NLGN1: variants seen among roughly 807,000 people sequenced by gnomAD.
NLGN1 encodes neuroligin 1, also known as neuroligin-1.
In NLGN1, 12 loss-of-function variants were observed where a neutral mutation model predicts 65.5. The ratio of observed to expected loss-of-function variants is 0.18; its 90% CI spans 0.12 to 0.30. The LOEUF (loss-of-function observed/expected upper bound fraction) is 0.30. NLGN1 is among the 10% of genes least tolerant of loss of function. The pLI is 1.00. For missense variants in NLGN1, 750 were observed against 1,007.1 expected, an observed-to-expected ratio of 0.74 and a Z score of 3.46; for synonymous variants, 350 against 359.5, an observed-to-expected ratio of 0.97 and a Z score of 0.30.
intron 3 of NLGN1, among the ~76,000 whole-genome samples, chr3:173,662,799 T>C (rs1259744818): frequency 6.6e-6 from 1 of 152,026 alleles, no homozygotes; most frequent in African/African-American, 2.4e-5. Flanking sequence ...AGACTAGGAA[T>C]GCTGTTTTAA....
intron 4 of NLGN1, among the ~76,000 whole-genome samples, chr3:174,153,570 C>T (rs1724808167): frequency 6.6e-6 from 1 of 152,060 alleles, no homozygotes; most frequent in Non-Finnish European, 1.5e-5. Context: ...GATTTTAAAA[C>T]AGGAAACATC....
At chr3:173,990,111 C>A (rs540596738) in intron 4 of NLGN1, among the ~76,000 whole-genome samples, 3 of 152,278 alleles carry the variant, frequency 2.0e-5, no homozygotes, top group Admixed American at 1.3e-4. Flanking sequence ...AATAGACAAT[C>A]AACAGATATT....
At chr3:174,074,027 A>G (rs1388336647) in intron 4 of NLGN1, among the ~76,000 whole-genome samples, 23 of 152,204 alleles carry the variant, frequency 1.5e-4, no homozygotes, top group Admixed American at 7.9e-4. Context: ...ACACTAGCAG[A>G]AAGTAGTCTG....
chr3:174,031,660 A>G (rs1427429435), intron 4 of NLGN1, among the ~76,000 whole-genome samples: 4 of 152,306 alleles, frequency 2.6e-5, no homozygotes, highest in East Asian at 3.9e-4. Context: ...AAAAATTTTA[A>G]TAGAAGGTTT....
chr3:174,246,379 G>T (rs893684386), intron 4 of NLGN1, among the ~76,000 whole-genome samples: 1 of 152,078 alleles, frequency 6.6e-6, no homozygotes. Context: ...AATAGACAAG[G>T]CCATTATTCT....
At chr3:174,265,783 GTATATA>G (rs1168048305) in intron 4 of NLGN1, among the ~76,000 whole-genome samples, 2 of 128,518 alleles carry the variant, frequency 1.6e-5, no homozygotes, top group East Asian at 4.2e-4. Context: ...ATATATATAT[GTATATA>G]TATATATATA....
rs148848149 is a variant in NLGN1, at chr3:174,213,797, G to A, written c.647-61518G>A. Among the ~76,000 whole-genome samples, 1,273 of 152,124 alleles carry A rather than the reference G, an allele frequency of 8.4e-3. 9 individuals carry two copies. Among genetic ancestry groups the A allele is most frequent in the Non-Finnish European group, 0.014 (946 of 67,950 alleles). Reference sequence around the variant, plus strand: ...GATTAAAAGTAAAATTTAAATTACTGAATTATTTTAACGTTATAATTTACT... The same window carrying A: ...GATTAAAAGTAAAATTTAAATTACTAAATTATTTTAACGTTATAATTTACT... On this transcript the variant is annotated intron_variant, in intron 4 of 6. Coordinates refer to ENST00000457714, the Ensembl canonical transcript of NLGN1.
At chr3:173,431,199 A>C (rs952984438) in intron 1 of NLGN1, among the ~76,000 whole-genome samples, 3 of 152,118 alleles carry the variant, frequency 2.0e-5, no homozygotes, top group Non-Finnish European at 4.4e-5. Flanking sequence ...TACTGAAAGC[A>C]CTTTCTTGAC....
intron 4 of NLGN1, among the ~76,000 whole-genome samples, chr3:174,088,757 AAAATAAATAAATAAATAAATAAAT>A (rs71162375): frequency 2.1e-5 from 3 of 141,238 alleles, no homozygotes; most frequent in African/African-American, 5.3e-5. Flanking sequence ...CATCTCAATA[AAAATAAATAAATAAATAAATAAAT>A]AAATAAATAA....
intron 1 of NLGN1, among the ~76,000 whole-genome samples, chr3:173,407,797 A>T (rs143339459): frequency 2.5e-3 from 385 of 152,366 alleles, no homozygotes; most frequent in African/African-American, 8.8e-3. Flanking sequence ...AAAAATGCTT[A>T]TTGAAATCAT....
At chr3:174,097,114 A>G (rs1175943432) in intron 4 of NLGN1, among the ~76,000 whole-genome samples, 2 of 152,168 alleles carry the variant, frequency 1.3e-5, no homozygotes, top group Admixed American at 1.3e-4. Context: ...GCGCCACTGT[A>G]GAAAGATGCT....
intron 4 of NLGN1, among the ~76,000 whole-genome samples, chr3:174,124,899 T>C (rs2152656213): frequency 6.6e-6 from 1 of 152,058 alleles, no homozygotes. Flanking sequence ...ACACTTGAAA[T>C]TTGACTGTGA....
At chr3:173,621,761 G>A (rs1342896815) in intron 3 of NLGN1, among the ~76,000 whole-genome samples, 1 of 152,098 alleles carries the variant, frequency 6.6e-6, no homozygotes, top group Non-Finnish European at 1.5e-5. Context: ...CCTTGGCAAT[G>A]TTGACAACAG....
At chr3:173,429,796 C>A (rs1716864320) in intron 1 of NLGN1, among the ~76,000 whole-genome samples, 1 of 152,088 alleles carries the variant, frequency 6.6e-6, no homozygotes, top group East Asian at 1.9e-4. Flanking sequence ...CTGGGGGAAT[C>A]CTAAAGTGTA....
chr3:173,998,293 C>T (rs939401204), intron 4 of NLGN1, among the ~76,000 whole-genome samples: 1 of 152,102 alleles, frequency 6.6e-6, no homozygotes, highest in African/African-American at 2.4e-5. Context: ...TCAGAACATC[C>T]TACTTCAAGG....
chr3:173,950,953 G>A lies in NLGN1; in HGVS notation c.646+143121G>A, dbSNP rs147149752. Among the ~76,000 whole-genome samples, 487 of 151,622 alleles carry A rather than the reference G, an allele frequency of 3.2e-3. 2 individuals carry two copies. Among genetic ancestry groups the A allele is most frequent in the African/African-American group, 0.011 (457 of 41,306 alleles). On this transcript the variant is annotated intron_variant, in intron 4 of 6. Coordinates refer to ENST00000457714, the Ensembl canonical transcript of NLGN1. ...GTGATCTTGGCTCACTACAACCTCC[G>A]TCTCCCGGGTTCAAGCGTTTCTCCT...
chr3:173,866,827 G>T (rs1221424770), intron 4 of NLGN1, among the ~76,000 whole-genome samples: 2 of 152,074 alleles, frequency 1.3e-5, no homozygotes, highest in Non-Finnish European at 2.9e-5. Flanking sequence ...GCACCCTTTT[G>T]GGAATGGTCA....
chr3:173,681,252 C>T (rs1228591478), intron 3 of NLGN1, among the ~76,000 whole-genome samples: 1 of 151,826 alleles, frequency 6.6e-6, no homozygotes, highest in African/African-American at 2.4e-5. Context: ...ATGTTTTTTC[C>T]AAGCTAAGGT....
chr3:174,195,582 G>A (rs1733254302), intron 4 of NLGN1, among the ~76,000 whole-genome samples: 1 of 152,178 alleles, frequency 6.6e-6, no homozygotes, highest in Non-Finnish European at 1.5e-5. Flanking sequence ...AGGGATTAGA[G>A]AAATCTCTCT....
Sources: allele counts gnomAD v4.1 joint callset (sites outside exome capture counted in the v4.1 genomes callset), GRCh38; gene constraint gnomAD v4.1.1; transcripts MANE v1.5; gene names NCBI Gene and HGNC (gene_info 2026-07-23, HGNC 2026-07-21).